ADAMTS6: variants seen among roughly 807,000 people sequenced by gnomAD.
ADAMTS6 encodes the protein ADAM metallopeptidase with thrombospondin type 1 motif 6.
Under a neutral mutation model 144.3 loss-of-function variants are expected in ADAMTS6, and 23 were observed. The observed-to-expected ratio is 0.16, with a 90% CI of 0.11 to 0.23. ADAMTS6 has a LOEUF of 0.23. Ranked by LOEUF, ADAMTS6 falls within the 10% of genes least tolerant of loss-of-function variation. ADAMTS6 has a pLI of 1.00. For missense variants in ADAMTS6, 999 were observed against 1,379.6 expected (o/e 0.72, Z 4.37); for synonymous variants, 444 against 457.5 (o/e 0.97, Z 0.38).
chr5:65,312,698 T>C (rs1205428091), intron 9 of ADAMTS6, among the ~76,000 whole-genome samples: 1 of 151,984 alleles, frequency 6.6e-6, no homozygotes, highest in Non-Finnish European at 1.5e-5. Context: ...ACTTCTGAGT[T>C]GAAGGTTAAG....
chr5:65,434,359 T>C (rs1269210625), intron 7 of ADAMTS6, among the ~76,000 whole-genome samples: 2 of 152,144 alleles, frequency 1.3e-5, no homozygotes, highest in African/African-American at 4.8e-5. Flanking sequence ...TAAAAAACCG[T>C]TGGATTATAT....
intron 7 of ADAMTS6, among the ~76,000 whole-genome samples, chr5:65,449,471 C>T (rs1580734325): frequency 6.6e-6 from 1 of 151,882 alleles, no homozygotes; most frequent in East Asian, 1.9e-4. Context: ...AAAAAATCAG[C>T]TGGGCATGGT....
chr5:65,307,586 G>T (rs1683184305), intron 9 of ADAMTS6, among the ~76,000 whole-genome samples: 2 of 152,156 alleles, frequency 1.3e-5, no homozygotes, highest in Admixed American at 6.5e-5. Context: ...CCATACTGAA[G>T]TTATACAATT....
At chr5:65,325,130 G>A (rs919481270) in intron 9 of ADAMTS6, among the ~76,000 whole-genome samples, 2 of 152,136 alleles carry the variant, frequency 1.3e-5, no homozygotes, top group African/African-American at 2.4e-5. Flanking sequence ...ATGGTTGTCT[G>A]GGGATGGAGG....
chr5:65,160,371 A>G (rs1752685701), intron 24 of ADAMTS6, among the ~76,000 whole-genome samples: 1 of 151,280 alleles, frequency 6.6e-6, no homozygotes, highest in South Asian at 2.1e-4. Flanking sequence ...CAGTGGCGCA[A>G]TCTCGGCTCA....
intron 9 of ADAMTS6, among the ~76,000 whole-genome samples, chr5:65,301,582 G>C (rs558192802): frequency 6.6e-6 from 1 of 152,320 alleles, no homozygotes; most frequent in Non-Finnish European, 1.5e-5. Context: ...TATTAGACAA[G>C]TAATTATAGT....
chr5:65,219,305 A>C (rs889981422), intron 18 of ADAMTS6, among the ~76,000 whole-genome samples: 4 of 152,190 alleles, frequency 2.6e-5, no homozygotes, highest in Non-Finnish European at 5.9e-5. Flanking sequence ...TGTAACACAG[A>C]CTGTAAGATT....
chr5:65,151,248 G>T lies in ADAMTS6; in HGVS notation c.*588C>A, dbSNP rs1316975009. On this transcript the variant is annotated 3_prime_UTR_variant, in exon 25 of 25. Transcript: ENST00000381055. ...AGGGGATTATTCCTAAGGAAATTAAGTGGAATGAAGAAAAATAATACAAAC... is the reference window on the plus strand; with the variant it reads ...AGGGGATTATTCCTAAGGAAATTAATTGGAATGAAGAAAAATAATACAAAC... 4 of 152,672 alleles carry T rather than the reference G, an allele frequency of 2.6e-5. No homozygotes were observed. Among genetic ancestry groups the T allele is most frequent in the African/African-American group, 9.7e-5 (4 of 41,444 alleles). The allele number at this position is 152,672 out of a possible 1,614,324, so 9.5% of individuals were successfully genotyped here. A position where few individuals can be genotyped will look rare whatever the true frequency, so the allele number is the denominator to read the frequency against.
Position 65,426,006 on chromosome 5 carries a change from C to T in ADAMTS6, c.1073+25469G>A, listed in dbSNP as rs368586613. ...GACCTCGTGATCCGCCCGCCTCGGC[C>T]TCCCAAAGTGCTGGGATTACAGGCG... On this transcript the variant is annotated intron_variant, in intron 7 of 24. Transcript: ENST00000381055. Among the ~76,000 whole-genome samples, 66 of 151,832 alleles carry T rather than the reference C, an allele frequency of 4.3e-4. No individual in the cohort carries two copies. The East Asian group carries it at 0.01, about 24-fold the overall frequency.
intron 10 of ADAMTS6, among the ~76,000 whole-genome samples, chr5:65,291,922 T>G (rs1742356493): frequency 6.6e-6 from 1 of 152,138 alleles, no homozygotes; most frequent in Admixed American, 6.6e-5. Flanking sequence ...ACAATAGATG[T>G]TGTGTTAAGG....
chr5:65,188,531 G>A (rs967524753), intron 21 of ADAMTS6, among the ~76,000 whole-genome samples: 5 of 152,044 alleles, frequency 3.3e-5, no homozygotes, highest in African/African-American at 9.7e-5. Context: ...AAATTGTCAC[G>A]AGGGTTAAAT....
intron 7 of ADAMTS6, among the ~76,000 whole-genome samples, chr5:65,425,432 T>TA (rs1360630175): frequency 2.0e-5 from 3 of 152,344 alleles, no homozygotes; most frequent in African/African-American, 7.2e-5. Context: ...CTGAAGCCAA[T>TA]AACCTCATCT....
chr5:65,370,874 G>A (rs1368974188), intron 7 of ADAMTS6, among the ~76,000 whole-genome samples: 10 of 152,352 alleles, frequency 6.6e-5, no homozygotes, highest in African/African-American at 1.9e-4. Context: ...AAATGTCCCT[G>A]TCTGACAGCT....
chr5:65,342,439 A>G (rs1017065064), intron 7 of ADAMTS6, among the ~76,000 whole-genome samples: 10 of 151,934 alleles, frequency 6.6e-5, no homozygotes, highest in Admixed American at 5.9e-4. Context: ...ACCCACCCCC[A>G]TGATTCAGTT....
At chr5:65,461,910 A>G (rs911044767) in intron 3 of ADAMTS6, among the ~76,000 whole-genome samples, 4 of 152,172 alleles carry the variant, frequency 2.6e-5, no homozygotes, top group Non-Finnish European at 5.9e-5. Context: ...TGCTTAGGGA[A>G]ATTCATGTTA....
intron 7 of ADAMTS6, among the ~76,000 whole-genome samples, chr5:65,433,679 A>T (rs1757166674): frequency 6.6e-6 from 1 of 152,220 alleles, no homozygotes; most frequent in Non-Finnish European, 1.5e-5. Flanking sequence ...AGTGAGCTGC[A>T]AGTCAAAACC....
intron 24 of ADAMTS6, among the ~76,000 whole-genome samples, chr5:65,166,629 G>C (rs1387015504): frequency 1.5e-5 from 1 of 65,616 alleles, no homozygotes; most frequent in Non-Finnish European, 3.2e-5. Flanking sequence ...CACATAGTTG[G>C]AAGTAAAGCT....
chr5:65,366,550 A>T (rs1750326044), intron 7 of ADAMTS6, among the ~76,000 whole-genome samples: 1 of 152,130 alleles, frequency 6.6e-6, no homozygotes. Flanking sequence ...GTAGATTTTC[A>T]CTCCAAAAAT....
At chr5:65,442,318 T>G (rs1330173815) in intron 7 of ADAMTS6, among the ~76,000 whole-genome samples, 1 of 151,988 alleles carries the variant, frequency 6.6e-6, no homozygotes, top group East Asian at 1.9e-4. Context: ...ATAAACATAT[T>G]CCTTGAAATA....
Sources: gnomAD v4.1 joint callset for allele counts (sites outside exome capture counted in the v4.1 genomes callset) on GRCh38, gnomAD v4.1.1 for gene constraint, MANE v1.5 for transcripts, NCBI Gene and HGNC (gene_info 2026-07-23, HGNC 2026-07-21) for gene names.